Variants in NRIP1 observed in about 807,000 individuals in gnomAD.
NRIP1 encodes nuclear receptor-interacting protein 1.
In NRIP1, 28 loss-of-function variants were observed where a neutral mutation model predicts 75.0. The ratio of observed to expected loss-of-function variants is 0.37; its 90% CI spans 0.28 to 0.51. NRIP1 has a LOEUF of 0.51. Among genes scored for constraint, NRIP1 ranks in the 20% least tolerant of loss-of-function variants. NRIP1 has a pLI of 0.92. For synonymous variants in NRIP1, 526 were observed against 487.6 expected (o/e 1.08, Z -1.04); for missense variants, 1,435 against 1,343.7 (o/e 1.07, Z -1.06).
chr21:14,963,230 T>C lies in NRIP1; in HGVS notation c.*1486A>G, dbSNP rs983026344. The C allele has an allele frequency of 5.9e-5, 9 of 152,536 alleles. No homozygotes were observed. The highest frequency in any genetic ancestry group is 8.8e-5 in the Non-Finnish European group (6 of 67,976). The allele number at this position is 152,536 out of a possible 1,614,324, so 9.4% of individuals were successfully genotyped here. A position where few individuals can be genotyped will look rare whatever the true frequency, so the allele number is the denominator to read the frequency against. ...TTTAAACTAAATGTTGTAAGCTTTG[T>C]TGGCATTGTTCTTAGGACAATGGTT... On this transcript the variant is annotated 3_prime_UTR_variant, in exon 4 of 4. Transcript: ENST00000318948.
At chr21:15,043,172 T>C (rs187176312) in intron 2 of NRIP1, among the ~76,000 whole-genome samples, 5 of 152,312 alleles carry the variant, frequency 3.3e-5, no homozygotes, top group Admixed American at 6.5e-5. Flanking sequence ...CTGTCTTAGA[T>C]AAAAAGGAAC....
chr21:15,025,220 T>C (rs1265424004), intron 2 of NRIP1, among the ~76,000 whole-genome samples: 1 of 152,112 alleles, frequency 6.6e-6, no homozygotes, highest in Non-Finnish European at 1.5e-5. Context: ...GCAGATTGAC[T>C]ACATACAGGG....
chr21:15,047,964 AGGGTTATTAATTGG>A (rs2089122479), intron 1 of NRIP1, among the ~76,000 whole-genome samples: 1 of 152,182 alleles, frequency 6.6e-6, no homozygotes, highest in African/African-American at 2.4e-5. Context: ...TAGCCATTAT[AGGGTTATTAATTGG>A]CCTAATTTCA....
At chr21:15,058,966 A>T (rs1349125948) in intron 1 of NRIP1, among the ~76,000 whole-genome samples, 1 of 152,214 alleles carries the variant, frequency 6.6e-6, no homozygotes, top group East Asian at 1.9e-4. Context: ...CAGAAGCTCC[A>T]AACTCCTTAG....
At chr21:15,047,614 A>G (rs1442865786) in intron 1 of NRIP1, among the ~76,000 whole-genome samples, 1 of 152,216 alleles carries the variant, frequency 6.6e-6, no homozygotes, top group Non-Finnish European at 1.5e-5. Context: ...CGAGAACAGC[A>G]TGGGGGTAAC....
intron 3 of NRIP1, among the ~76,000 whole-genome samples, chr21:14,975,122 C>T (rs965275056): frequency 6.6e-6 from 1 of 151,802 alleles, no homozygotes; most frequent in Non-Finnish European, 1.5e-5. Context: ...AAAGAAAGAA[C>T]AGGAAGGACG....
In NRIP1 at chr21:14,966,885, G is replaced by C. The variant is rs1469575667; in HGVS notation, c.1308C>G (p.Ser436=). The change falls in exon 4 of 4, where the codon TCC becomes TCG. Residue 436 remains serine (S), a synonymous_variant. Transcript: ENST00000318948. ...AAGACAAGTCTATGGGAACACAGTT[G>C]GAATAAGAACTTTCATCACCACTGC... ...DDSSGDESSY[S]NCVPIDLSCK... 1.2e-5 allele frequency: 19 copies of C among 1,613,882 alleles called. No individual in the cohort carries two copies. The highest frequency in any genetic ancestry group is 1.4e-5 in the Non-Finnish European group (17 of 1,179,948).
chr21:15,064,309 G>A (rs923250927), intron 1 of NRIP1, among the ~76,000 whole-genome samples: 5 of 152,226 alleles, frequency 3.3e-5, no homozygotes, highest in Admixed American at 2.0e-4. Context: ...CAAGGAGCAG[G>A]GAGGCACCCA....
intron 3 of NRIP1, among the ~76,000 whole-genome samples, chr21:15,012,447 C>CTTTT (rs869160226): frequency 0.024 from 1,877 of 79,336 alleles, 258 homozygotes; most frequent in African/African-American, 0.053. Context: ...ATTATAATGT[C>CTTTT]TTTTTTTTTT....
chr21:14,980,465 T>C (rs2087202247), intron 3 of NRIP1, among the ~76,000 whole-genome samples: 1 of 151,666 alleles, frequency 6.6e-6, no homozygotes, highest in Non-Finnish European at 1.5e-5. Flanking sequence ...AGAGCGAGAC[T>C]CCGTATCAAA....
In NRIP1 at chr21:14,980,951, T is replaced by C. The variant is rs74887143; in HGVS notation, c.-334-12425A>G. 0.016 allele frequency among the ~76,000 whole-genome samples: 2,429 copies of C among 152,292 alleles called. 242 individuals are homozygous for C. In the East Asian group the frequency reaches 0.28, roughly 17 times the overall value. On this transcript the variant is annotated intron_variant, in intron 3 of 3. Transcript: ENST00000318948. ...ATTGAAATGACTTATATGACATCAC[T>C]CTAGTCATTACAGGCTCCAAACACA...
chr21:14,984,423 A>G (rs1375638988), intron 3 of NRIP1, among the ~76,000 whole-genome samples: 3 of 149,688 alleles, frequency 2.0e-5, no homozygotes, highest in Admixed American at 6.7e-5. Flanking sequence ...TCGGCCTCCC[A>G]AAGTGCAGGG....
At chr21:15,017,005 AGAAT>A (rs749285443) in intron 2 of NRIP1, among the ~76,000 whole-genome samples, 2 of 151,640 alleles carry the variant, frequency 1.3e-5, no homozygotes, top group Non-Finnish European at 1.5e-5. Flanking sequence ...GAAAAAGAAA[AGAAT>A]GAAGGAAGGA....
intron 3 of NRIP1, among the ~76,000 whole-genome samples, chr21:14,995,454 TCA>T (rs1259073254): frequency 6.6e-6 from 1 of 152,200 alleles, no homozygotes; most frequent in Non-Finnish European, 1.5e-5. Context: ...CAATAAATCA[TCA>T]GTTACTTGAA....
intron 3 of NRIP1, among the ~76,000 whole-genome samples, chr21:14,997,530 G>T (rs1411075723): frequency 6.6e-6 from 1 of 151,662 alleles, no homozygotes. Flanking sequence ...AGACATAAAT[G>T]GTTGGATACA....
chr21:15,025,627 A>G (rs761421470), intron 2 of NRIP1, among the ~76,000 whole-genome samples: 5 of 152,200 alleles, frequency 3.3e-5, no homozygotes, highest in Non-Finnish European at 7.3e-5. Context: ...ATTAGCAGAC[A>G]CCATCTTAAT....
At chr21:14,983,706 A>T (rs2087310735) in intron 3 of NRIP1, among the ~76,000 whole-genome samples, 1 of 152,230 alleles carries the variant, frequency 6.6e-6, no homozygotes, top group Non-Finnish European at 1.5e-5. Context: ...AAGGCTGATG[A>T]AGCTGGAACT....
intron 3 of NRIP1, among the ~76,000 whole-genome samples, chr21:14,990,894 A>G (rs1468418995): frequency 6.6e-6 from 1 of 152,206 alleles, no homozygotes; most frequent in Non-Finnish European, 1.5e-5. Context: ...CACTGCCTGC[A>G]AAGTTCATTA....
chr21:15,007,066 TGGTA>T (rs998319025), intron 3 of NRIP1, among the ~76,000 whole-genome samples: 2 of 152,052 alleles, frequency 1.3e-5, no homozygotes, highest in Admixed American at 1.3e-4. Flanking sequence ...ACAGGAAGTG[TGGTA>T]GTCCAATGGG....
Sources: gnomAD v4.1 joint callset for allele counts (sites outside exome capture counted in the v4.1 genomes callset) on GRCh38, gnomAD v4.1.1 for gene constraint, MANE v1.5 for transcripts, NCBI Gene and HGNC (gene_info 2026-07-23, HGNC 2026-07-21) for gene names.